SRP54: variants seen among roughly 807,000 people sequenced by gnomAD.
SRP54 encodes signal recognition particle subunit SRP54.
Under a neutral mutation model 64.8 loss-of-function variants are expected in SRP54, and 10 were observed. The ratio of observed to expected loss-of-function variants is 0.15; its 90% CI spans 0.10 to 0.26. SRP54 has a LOEUF of 0.26. Ranked by LOEUF, SRP54 falls within the 10% of genes least tolerant of loss-of-function variation. The pLI is 1.00. For missense variants in SRP54, 325 were observed against 613.7 expected (o/e 0.53, Z 4.97); for synonymous variants, 193 against 185.6 (o/e 1.04, Z -0.32).
At position 35,025,493 on chromosome 14, in the gene SRP54, C is replaced by T. The variant is rs941606555; in HGVS notation, c.1327+2413C>T. On this transcript the variant is annotated intron_variant, in intron 14 of 15. Transcript: ENST00000216774. Reference sequence around the variant, plus strand: ...ACATTACATCACTGTAATGTCTTTCCCATGTAGTCCTGACTGTTCTTGATA... The same window carrying T: ...ACATTACATCACTGTAATGTCTTTCTCATGTAGTCCTGACTGTTCTTGATA... Among the ~76,000 whole-genome samples the T allele has an allele frequency of 2.6e-5, 4 of 152,102 alleles. 1 individual carries two copies. In the South Asian group the frequency reaches 6.2e-4, roughly 24 times the overall value.
chr14:35,018,887 T>C (rs2044481927), intron 12 of SRP54, 79 bp from the exon 13 acceptor site: 1 of 1,432,556 alleles, frequency 7.0e-7, no homozygotes, highest in African/African-American at 1.4e-5. Flanking sequence ...GTGTCAATAT[T>C]AAACCTAATA....
chr14:34,990,808 A>AAATAAATATATTT (rs2043964848), intron 1 of SRP54, among the ~76,000 whole-genome samples: 1 of 152,234 alleles, frequency 6.6e-6, no homozygotes, highest in Admixed American at 6.5e-5. Flanking sequence ...AAGTAATGAC[A>AAATAAATATATTT]AATAAATATA....
rs190918579 is a variant in SRP54 at position 35,002,152 on chromosome 14, G to A, written c.255+1132G>A. Among the ~76,000 whole-genome samples the A allele has an allele frequency of 2.9e-3, 436 of 152,076 alleles. 1 individual carries two copies. Among genetic ancestry groups the A allele is most frequent in the Non-Finnish European group, 4.8e-3 (324 of 67,992 alleles). On this transcript the variant is annotated intron_variant, in intron 4 of 15. Coordinates refer to ENST00000216774, the MANE Select transcript of SRP54 (RefSeq NM_003136.4). ...GGTAACCACCTGAGGTCAGGCGTTC[G>A]AGACCAGCCTGGCCAACATGGTGTA...
rs2044387020 is a variant in SRP54 at position 35,013,414 on chromosome 14, T to A, written c.705T>A (p.Ala235=). 2 of 1,614,210 alleles carry A rather than the reference T, an allele frequency of 1.2e-6. No individual in the cohort carries two copies. The highest frequency in any genetic ancestry group is 2.2e-5 in the East Asian group (1 of 44,884). The stretch of plus-strand genomic sequence containing the variant: ...AGGCTTGTGAAGCCCAGGCTAAGGC[T>A]TTTAAAGATAAAGTAGATGTAGCCT... The part of the protein sequence containing the change: ...IGQACEAQAK[A]FKDKVDVASV... The change falls in exon 9 of 16, where the codon GCT becomes GCA. Residue 235 remains alanine (A), a synonymous_variant. Coordinates refer to ENST00000216774, the MANE Select transcript of SRP54 (RefSeq NM_003136.4).
chr14:34,986,212 T>G (rs1047333022), intron 1 of SRP54, among the ~76,000 whole-genome samples: 14 of 152,174 alleles, frequency 9.2e-5, no homozygotes, highest in African/African-American at 3.4e-4. Flanking sequence ...GTTTTAAAAT[T>G]TGAAAAACAA....
At chr14:35,027,023 TTTC>T (rs1469571911) in intron 14 of SRP54, among the ~76,000 whole-genome samples, 1 of 132,046 alleles carries the variant, frequency 7.6e-6, no homozygotes, top group Admixed American at 7.5e-5. Flanking sequence ...TACTTTCTAC[TTTC>T]TTTTTTTTTT....
At position 35,002,138 on chromosome 14, in the gene SRP54, G is replaced by T. The variant is rs186170176; in HGVS notation, c.255+1118G>T. Among the ~76,000 whole-genome samples the T allele has an allele frequency of 4.4e-3, 663 of 152,142 alleles. 4 individuals are homozygous for T. Among genetic ancestry groups the T allele is most frequent in the African/African-American group, 0.015 (641 of 41,518 alleles). ...GGGAGGCTGAGATGGGTAACCACCT[G>T]AGGTCAGGCGTTCGAGACCAGCCTG... On this transcript the variant is annotated intron_variant, in intron 4 of 15. Transcript: ENST00000216774.
intron 1 of SRP54, among the ~76,000 whole-genome samples, chr14:34,996,296 T>A (rs1430641914): frequency 2.0e-5 from 3 of 152,194 alleles, no homozygotes; most frequent in African/African-American, 7.2e-5. Context: ...TAGGCAGTAT[T>A]CCTGGAGATT....
chr14:35,018,876 A>G, intron 12 of SRP54, 90 bp from the exon 13 acceptor site: 1 of 1,393,268 alleles, frequency 7.2e-7, no homozygotes, highest in Middle Eastern at 1.8e-4. Flanking sequence ...TCTAAGACTT[A>G]GTGTCAATAT....
intron 5 of SRP54, among the ~76,000 whole-genome samples, chr14:35,007,666 AG>A (rs2044284366): frequency 1.1e-5 from 1 of 92,614 alleles, no homozygotes; most frequent in Admixed American, 1.1e-4. Context: ...TACATAAAAT[AG>A]ATTTTATTAA....
In SRP54 at chr14:35,029,178, T is replaced by C; in HGVS notation, c.*26T>C. 2 of 1,580,542 alleles carry C rather than the reference T, an allele frequency of 1.3e-6. No homozygotes were observed. The highest frequency in any genetic ancestry group is 8.7e-7 in the Non-Finnish European group (1 of 1,153,024). ...AGAAAATGCCTTAATATAAACTGACTCAGTTGAATACCTAATTTGCTGAGA... is the reference window on the plus strand; with the variant it reads ...AGAAAATGCCTTAATATAAACTGACCCAGTTGAATACCTAATTTGCTGAGA... On this transcript the variant is annotated 3_prime_UTR_variant, in exon 16 of 16. Transcript: ENST00000216774.
At chr14:35,024,632 C>T (rs2044591497) in intron 14 of SRP54, among the ~76,000 whole-genome samples, 1 of 149,676 alleles carries the variant, frequency 6.7e-6, no homozygotes, top group South Asian at 2.1e-4. Context: ...CTTTTATGCT[C>T]ATAAACAGCT....
intron 10 of SRP54, 53 bp from the exon 11 acceptor site, chr14:35,014,691 T>C (rs2044410391): frequency 7.4e-7 from 1 of 1,348,350 alleles, no homozygotes; most frequent in Admixed American, 1.7e-5. Flanking sequence ...TTTTGTATAA[T>C]GTGAAGCAGG....
At chr14:35,004,806 A>G (rs1372888595) in intron 4 of SRP54, among the ~76,000 whole-genome samples, 1 of 152,246 alleles carries the variant, frequency 6.6e-6, no homozygotes, top group African/African-American at 2.4e-5. Context: ...TTTATGTTTA[A>G]GACAGATTTT....
chr14:35,007,560 A>G (rs371468688), intron 5 of SRP54, among the ~76,000 whole-genome samples, 173 bp downstream of exon 5: 17 of 147,102 alleles, frequency 1.2e-4, no homozygotes, highest in African/African-American at 4.2e-4. Flanking sequence ...ATTTTATATA[A>G]AATATATTTA....
intron 1 of SRP54, among the ~76,000 whole-genome samples, chr14:34,993,874 T>C (rs2044022850): frequency 6.6e-6 from 1 of 152,050 alleles, no homozygotes; most frequent in Non-Finnish European, 1.5e-5. Flanking sequence ...TTTGTATTTT[T>C]AGTAGAGACG....
chr14:34,997,922 A>C (rs1457911507), intron 2 of SRP54, among the ~76,000 whole-genome samples: 1 of 151,954 alleles, frequency 6.6e-6, no homozygotes. Context: ...TGTAGCCCTT[A>C]TGTTCTTTGT....
intron 1 of SRP54, among the ~76,000 whole-genome samples, chr14:34,984,999 T>C (rs1283947981): frequency 6.6e-6 from 1 of 151,952 alleles, no homozygotes; most frequent in African/African-American, 2.4e-5. Context: ...TTTTGACCTC[T>C]GGTTGAATTT....
At chr14:35,027,174 G>C (rs1372684294) in intron 14 of SRP54, among the ~76,000 whole-genome samples, 2 of 151,910 alleles carry the variant, frequency 1.3e-5, no homozygotes, top group Non-Finnish European at 2.9e-5. Context: ...CTACAGGCGT[G>C]TGCCACCATG....
Sources: allele counts gnomAD v4.1 joint callset (sites outside exome capture counted in the v4.1 genomes callset), GRCh38; gene constraint gnomAD v4.1.1; transcripts MANE v1.5; gene names NCBI Gene and HGNC (gene_info 2026-07-23, HGNC 2026-07-21).